ANKFN1: variants seen among roughly 807,000 people sequenced by gnomAD.
ANKFN1 encodes ankyrin repeat and fibronectin type-III domain-containing protein 1.
ANKFN1 carries 74 observed loss-of-function variants against 108.7 expected under a neutral mutation model. That is an observed-to-expected ratio of 0.68 (90% CI 0.56 to 0.83). The LOEUF (loss-of-function observed/expected upper bound fraction) is 0.83. ANKFN1 is among the 40% of genes least tolerant of loss of function. The probability of loss-of-function intolerance (pLI) is 0.00; values close to 1 mark genes in which losing one functional copy is unlikely to be tolerated. For missense variants in ANKFN1, 1,505 were observed against 1,382.3 expected (o/e 1.09, Z -1.41); for synonymous variants, 547 against 516.2 (o/e 1.06, Z -0.81).
intron 8 of ANKFN1, among the ~76,000 whole-genome samples, chr17:56,375,995 G>C (rs772813135): frequency 5.9e-5 from 9 of 152,178 alleles, no homozygotes; most frequent in Non-Finnish European, 1.3e-4. Flanking sequence ...AAAAAGGAAA[G>C]CTATTTTCTG....
intron 8 of ANKFN1, among the ~76,000 whole-genome samples, chr17:56,391,573 T>G (rs2047439587): frequency 6.6e-6 from 1 of 151,846 alleles, no homozygotes; most frequent in Non-Finnish European, 1.5e-5. Flanking sequence ...ATTACAGGCA[T>G]GTGCCACCAT....
intron 4 of ANKFN1, among the ~76,000 whole-genome samples, chr17:56,098,683 C>T (rs1004408853): frequency 5.3e-5 from 8 of 152,220 alleles, no homozygotes; most frequent in African/African-American, 1.9e-4. Context: ...TGAATGAAAG[C>T]CTTCCCCTTT....
intron 1 of ANKFN1, among the ~76,000 whole-genome samples, chr17:56,163,799 C>T (rs1361452147): frequency 2.0e-5 from 3 of 152,168 alleles, no homozygotes; most frequent in Non-Finnish European, 4.4e-5. Context: ...ATCCATCAGA[C>T]TTAGAAGACA....
chr17:56,275,870 T>A (rs984369179), intron 3 of ANKFN1, among the ~76,000 whole-genome samples: 1 of 152,152 alleles, frequency 6.6e-6, no homozygotes, highest in Non-Finnish European at 1.5e-5. Context: ...TTTATTACTA[T>A]TATTATTATA....
At chr17:56,228,976 T>G (rs1305911882) in intron 3 of ANKFN1, among the ~76,000 whole-genome samples, 3 of 152,120 alleles carry the variant, frequency 2.0e-5, no homozygotes, top group African/African-American at 7.2e-5. Context: ...TTTGAATCAT[T>G]CAGTTCCTGA....
In ANKFN1 at chr17:56,372,814, G is replaced by A. The variant is rs1287743848; in HGVS notation, c.770G>A (p.Arg257His). 9.9e-6 allele frequency: 16 copies of A among 1,613,448 alleles called. No individual in the cohort carries two copies. Among genetic ancestry groups the A allele is most frequent in the African/African-American group, 4.0e-5 (3 of 74,870 alleles). ...GAGTGGAGGTATCGGCTCTACAGAC[G>A]CATGAAAACAGGCTTTGAGCATGCC... Reference protein sequence around the residue: ...AWEWRYRLYRRMKTGFEHARA... With the variant: ...AWEWRYRLYRHMKTGFEHARA... Residue 257 changes from arginine (R) to histidine (H), a missense_variant, in exon 7 of 21, where the codon CGC becomes CAC. Coordinates refer to ENST00000682825, the MANE Select transcript of ANKFN1 (RefSeq NM_001370326.1).
At chr17:56,508,306 C>T (rs1237880636) in intron 20 of ANKFN1, among the ~76,000 whole-genome samples, 1 of 152,176 alleles carries the variant, frequency 6.6e-6, no homozygotes, top group African/African-American at 2.4e-5. Flanking sequence ...GGTACAAACT[C>T]CTTATCTAAG....
chr17:56,319,070 G>A (rs1567909689), intron 3 of ANKFN1, among the ~76,000 whole-genome samples: 2 of 152,116 alleles, frequency 1.3e-5, no homozygotes, highest in African/African-American at 2.4e-5. Context: ...TGAGGAGGAA[G>A]AAAAAACATA....
At chr17:56,050,177 G>A (rs1394059765) in intron 4 of ANKFN1, among the ~76,000 whole-genome samples, 3 of 150,844 alleles carry the variant, frequency 2.0e-5, no homozygotes, top group Non-Finnish European at 4.4e-5. Flanking sequence ...TTTTTTGGCT[G>A]CATAAATGTC....
chr17:56,112,923 A>G (rs1223332096), intron 4 of ANKFN1, among the ~76,000 whole-genome samples: 1 of 152,212 alleles, frequency 6.6e-6, no homozygotes, highest in Non-Finnish European at 1.5e-5. Context: ...GTGTGCATGT[A>G]ATTGATGTGT....
chr17:56,437,032 T>C (rs2048953960), intron 8 of ANKFN1, among the ~76,000 whole-genome samples: 2 of 152,190 alleles, frequency 1.3e-5, no homozygotes, highest in African/African-American at 4.8e-5. Flanking sequence ...TTGGCCATTC[T>C]AACATGGAGA....
chr17:56,403,623 T>TATCTTTTAA (rs2047829349), intron 8 of ANKFN1, among the ~76,000 whole-genome samples: 1 of 152,230 alleles, frequency 6.6e-6, no homozygotes, highest in Non-Finnish European at 1.5e-5. Context: ...ATCTTTTAAG[T>TATCTTTTAA]GGAGCATTTA....
intron 6 of ANKFN1, among the ~76,000 whole-genome samples, chr17:56,360,308 G>A (rs940411765): frequency 2.6e-5 from 4 of 152,066 alleles, no homozygotes; most frequent in Non-Finnish European, 4.4e-5. Flanking sequence ...TGGAATGCTC[G>A]AGTGCTTTTA....
At chr17:56,360,280 C>T (rs1321240762) in intron 6 of ANKFN1, among the ~76,000 whole-genome samples, 1 of 152,178 alleles carries the variant, frequency 6.6e-6, no homozygotes, top group Non-Finnish European at 1.5e-5. Context: ...GGCCTTTGTA[C>T]TGGCTATTCC....
chr17:56,214,271 C>T lies in ANKFN1; in HGVS notation c.12+1592C>T, dbSNP rs536467597. ...AAAACGTTTAGAGGAACCAAATGTGCGTTAATAAGAATACATCCAAGATAC... is the reference window on the plus strand; with the variant it reads ...AAAACGTTTAGAGGAACCAAATGTGTGTTAATAAGAATACATCCAAGATAC... On this transcript the variant is annotated intron_variant, in intron 2 of 20. Coordinates refer to ENST00000682825, the MANE Select transcript of ANKFN1 (RefSeq NM_001370326.1). Among the ~76,000 whole-genome samples the T allele has an allele frequency of 7.2e-5, 11 of 152,152 alleles. No individual in the cohort carries two copies. The South Asian group carries it at 1.0e-3, about 14-fold the overall frequency.
At chr17:56,360,214 T>A (rs2144714990) in intron 6 of ANKFN1, among the ~76,000 whole-genome samples, 1 of 152,318 alleles carries the variant, frequency 6.6e-6, no homozygotes, top group South Asian at 2.1e-4. Context: ...TGTGCACTCC[T>A]CACCCACACC....
intron 4 of ANKFN1, among the ~76,000 whole-genome samples, chr17:56,095,587 C>T (rs1352751383): frequency 7.1e-6 from 1 of 141,356 alleles, no homozygotes; most frequent in African/African-American, 2.6e-5. Flanking sequence ...CAGGCAAGAG[C>T]CATCACATCT....
intron 4 of ANKFN1, among the ~76,000 whole-genome samples, chr17:56,131,768 G>A (rs895411312): frequency 6.6e-6 from 1 of 152,154 alleles, no homozygotes; most frequent in African/African-American, 2.4e-5. Flanking sequence ...GCTCATTCCT[G>A]TAACCCCAGC....
chr17:56,276,795 C>T (rs927058915), intron 3 of ANKFN1, among the ~76,000 whole-genome samples: 1 of 152,124 alleles, frequency 6.6e-6, no homozygotes, highest in African/African-American at 2.4e-5. Context: ...ACAGACAAAT[C>T]ATTCCCTTTA....
Sources: gnomAD v4.1 joint callset for allele counts (sites outside exome capture counted in the v4.1 genomes callset) on GRCh38, gnomAD v4.1.1 for gene constraint, MANE v1.5 for transcripts, NCBI Gene and HGNC (gene_info 2026-07-23, HGNC 2026-07-21) for gene names.